The following ADAMTS6 variants were observed in gnomAD, a reference collection of about 807,000 sequenced individuals.
ADAMTS6 encodes the protein A disintegrin and metalloproteinase with thrombospondin motifs 6.
In ADAMTS6, 23 loss-of-function variants were observed where a neutral mutation model predicts 144.3. The ratio of observed to expected loss-of-function variants is 0.16; its 90% CI spans 0.11 to 0.23. The LOEUF (loss-of-function observed/expected upper bound fraction) is 0.23, where lower values mean the gene tolerates loss of function less well. Ranked by LOEUF, ADAMTS6 falls within the 10% of genes least tolerant of loss-of-function variation. The pLI is 1.00. For synonymous variants in ADAMTS6, 444 were observed against 457.5 expected (o/e 0.97, Z 0.38); for missense variants, 999 against 1,379.6 (o/e 0.72, Z 4.37).
At chr5:65,265,993 T>G (rs1392068958) in intron 12 of ADAMTS6, among the ~76,000 whole-genome samples, 1 of 148,418 alleles carries the variant, frequency 6.7e-6, no homozygotes, top group Admixed American at 6.8e-5. Flanking sequence ...AATACTAGAG[T>G]TTTTTTTTTA....
At chr5:65,200,142 C>T (rs1755640291) in intron 20 of ADAMTS6, among the ~76,000 whole-genome samples, 1 of 152,118 alleles carries the variant, frequency 6.6e-6, no homozygotes. Context: ...GTACTATCTT[C>T]CTCCAACAGC....
intron 22 of ADAMTS6, 133 bp downstream of exon 22, chr5:65,187,883 T>C (rs1754766333): frequency 2.3e-6 from 2 of 856,796 alleles, no homozygotes; most frequent in Non-Finnish European, 3.5e-6. Flanking sequence ...AGCAATAAAA[T>C]ATAACATGGT....
chr5:65,218,236 C>G (rs1757070595), intron 18 of ADAMTS6, among the ~76,000 whole-genome samples: 1 of 152,130 alleles, frequency 6.6e-6, no homozygotes, highest in Non-Finnish European at 1.5e-5. Flanking sequence ...AGTAGAGACC[C>G]AAGAAGAATC....
chr5:65,461,619 G>GA (rs1007465045), intron 3 of ADAMTS6, among the ~76,000 whole-genome samples: 1 of 152,168 alleles, frequency 6.6e-6, no homozygotes, highest in Non-Finnish European at 1.5e-5. Flanking sequence ...CTGGAAAAAT[G>GA]AAAGAGTTGG....
At chr5:65,171,445 A>C (rs1234776518) in intron 23 of ADAMTS6, among the ~76,000 whole-genome samples, 3 of 152,226 alleles carry the variant, frequency 2.0e-5, no homozygotes, top group Non-Finnish European at 4.4e-5. Flanking sequence ...ACTTCCCAGA[A>C]GATAATACAT....
intron 7 of ADAMTS6, among the ~76,000 whole-genome samples, chr5:65,441,137 A>C (rs1757829215): frequency 6.6e-6 from 1 of 152,222 alleles, no homozygotes; most frequent in South Asian, 2.1e-4. Context: ...AGAGATCTGA[A>C]AGATTTTTTA....
intron 7 of ADAMTS6, among the ~76,000 whole-genome samples, chr5:65,410,436 G>A (rs892759982): frequency 2.0e-5 from 3 of 152,158 alleles, no homozygotes; most frequent in South Asian, 4.2e-4. Context: ...ATAACATACA[G>A]CTTGATGTTT....
chr5:65,275,347 AAAG>A (rs1762387960), intron 11 of ADAMTS6, among the ~76,000 whole-genome samples: 1 of 145,160 alleles, frequency 6.9e-6, no homozygotes, highest in Non-Finnish European at 1.5e-5. Flanking sequence ...ATGAAGAAAG[AAAG>A]AAGAGAAAGA....
intron 24 of ADAMTS6, among the ~76,000 whole-genome samples, chr5:65,168,678 A>G (rs1257615556): frequency 7.7e-6 from 1 of 130,522 alleles, no homozygotes; most frequent in African/African-American, 2.6e-5. Flanking sequence ...TACTGGTACC[A>G]AAACAGAGAT....
intron 23 of ADAMTS6, among the ~76,000 whole-genome samples, 155 bp from the exon 24 acceptor site, chr5:65,170,928 A>ACT (rs58225644): frequency 0.74 from 112,436 of 151,398 alleles, 42,320 homozygotes; most frequent in African/African-American, 0.85. Context: ...CTGGTCTCGA[A>ACT]CCTGACCTCA....
chr5:65,385,474 T>C (rs1246646535), intron 7 of ADAMTS6, among the ~76,000 whole-genome samples: 2 of 152,206 alleles, frequency 1.3e-5, no homozygotes, highest in African/African-American at 4.8e-5. Context: ...GTACTTCAGT[T>C]TTCTCCACTG....
intron 11 of ADAMTS6, among the ~76,000 whole-genome samples, chr5:65,275,213 C>CAAAA (rs70983666): frequency 3.1e-5 from 2 of 63,814 alleles, no homozygotes; most frequent in Non-Finnish European, 5.5e-5. Context: ...GGCTCTGTGT[C>CAAAA]AAAAAAAAAA....
chr5:65,349,733 T>C (rs1442755537), intron 7 of ADAMTS6, among the ~76,000 whole-genome samples: 1 of 151,864 alleles, frequency 6.6e-6, no homozygotes, highest in African/African-American at 2.4e-5. Flanking sequence ...TGGGCACCTG[T>C]AATCCCAGCT....
At chr5:65,468,548 A>G (rs1240613365) in intron 3 of ADAMTS6, among the ~76,000 whole-genome samples, 1 of 152,140 alleles carries the variant, frequency 6.6e-6, no homozygotes, top group African/African-American at 2.4e-5. Context: ...CGAACTGCCA[A>G]GGGAAAAAAT....
chr5:65,150,431 A>C lies in ADAMTS6; in HGVS notation c.*1405T>G, dbSNP rs1257012859. The C allele has an allele frequency of 2.6e-5, 4 of 152,656 alleles. No homozygotes were observed. 9.5% of individuals were successfully genotyped at this position (152,656 alleles called of 1,614,324 possible). ...AGGATGTGAAACTTGAAGATGGGGA[A>C]AATACGAGCTAGTCATTTTAATTTA... On this transcript the variant is annotated 3_prime_UTR_variant, in exon 25 of 25. Transcript: ENST00000381055.
chr5:65,271,648 CAGAT>C (rs1762066231), intron 12 of ADAMTS6, among the ~76,000 whole-genome samples: 1 of 152,058 alleles, frequency 6.6e-6, no homozygotes, highest in Non-Finnish European at 1.5e-5. Context: ...TATGTGTTCT[CAGAT>C]AGCCACTACT....
At chr5:65,186,225 C>A (rs541979677) in intron 22 of ADAMTS6, among the ~76,000 whole-genome samples, 18 of 152,272 alleles carry the variant, frequency 1.2e-4, no homozygotes, top group African/African-American at 4.3e-4. Context: ...CAGCTTAAAT[C>A]CCATCAACTA....
At chr5:65,153,297 A>G (rs1224098340) in intron 24 of ADAMTS6, among the ~76,000 whole-genome samples, 1 of 152,206 alleles carries the variant, frequency 6.6e-6, no homozygotes, top group Non-Finnish European at 1.5e-5. Context: ...TTCACTTACA[A>G]AGAGATTAAT....
chr5:65,313,416 A>G (rs901283687), intron 9 of ADAMTS6, among the ~76,000 whole-genome samples: 67 of 152,140 alleles, frequency 4.4e-4, no homozygotes, highest in African/African-American at 1.4e-3. Context: ...ATTTACATAT[A>G]TTGTATATAT....
Sources: gnomAD v4.1 joint callset for allele counts (sites outside exome capture counted in the v4.1 genomes callset) on GRCh38, gnomAD v4.1.1 for gene constraint, MANE v1.5 for transcripts, NCBI Gene and HGNC (gene_info 2026-07-23, HGNC 2026-07-21) for gene names.